Variants in LINGO2 observed in about 807,000 individuals in gnomAD.
The protein encoded by LINGO2 is leucine rich repeat and Ig domain containing 2, also known as leucine-rich repeat and immunoglobulin-like domain-containing nogo receptor-interacting protein 2.
LINGO2 carries 14 observed loss-of-function variants against 30.6 expected under a neutral mutation model. The observed-to-expected ratio is 0.46, with a 90% confidence interval of 0.30 to 0.72. The LOEUF (loss-of-function observed/expected upper bound fraction) is 0.72, where lower values mean the gene tolerates loss of function less well. Among genes scored for constraint, LINGO2 ranks in the 30% least tolerant of loss-of-function variants. The pLI, the probability that LINGO2 is intolerant of heterozygous loss-of-function variation, is 0.07. For missense variants in LINGO2, 729 were observed against 751.7 expected, an observed-to-expected ratio of 0.97 and a Z score of 0.35; for synonymous variants, 317 against 288.5, an observed-to-expected ratio of 1.10 and a Z score of -1.00.
the LINGO2 span, among the ~76,000 whole-genome samples, chr9:28,735,683 A>G: frequency 6.6e-6 from 1 of 152,112 alleles, no homozygotes; most frequent in Non-Finnish European, 1.5e-5. Flanking sequence ...ATTTTTACAC[A>G]TTGTTGGAAA....
intron 1 of LINGO2, among the ~76,000 whole-genome samples, chr9:28,509,824 AT>A (rs1162355974): frequency 6.6e-6 from 1 of 152,232 alleles, no homozygotes; most frequent in East Asian, 1.9e-4. Context: ...AGTCTGTGGT[AT>A]TTTGTTGTGG....
chr9:29,022,876 A>T, the LINGO2 span, among the ~76,000 whole-genome samples: 1 of 151,848 alleles, frequency 6.6e-6, no homozygotes, highest in African/African-American at 2.4e-5. Context: ...GGTTCTCCAT[A>T]TCTAGCATGT....
the LINGO2 span, among the ~76,000 whole-genome samples, chr9:29,187,733 G>A: frequency 6.7e-6 from 1 of 150,048 alleles, no homozygotes; most frequent in African/African-American, 2.4e-5. Context: ...TAAATTCAAT[G>A]GTCTAGGTAT....
intron 5 of LINGO2, among the ~76,000 whole-genome samples, chr9:28,006,255 T>G (rs1369754123): frequency 6.6e-6 from 1 of 151,908 alleles, no homozygotes; most frequent in Non-Finnish European, 1.5e-5. Context: ...AATCACAAAG[T>G]CAATTTTAAA....
chr9:28,657,270 A>G (rs772625298), intron 1 of LINGO2, among the ~76,000 whole-genome samples: 43 of 152,190 alleles, frequency 2.8e-4, no homozygotes, highest in Admixed American at 5.9e-4. Context: ...TTTTACTGCC[A>G]TCACCACCAC....
At chr9:28,404,094 T>G (rs1822390256) in intron 2 of LINGO2, among the ~76,000 whole-genome samples, 1 of 152,172 alleles carries the variant, frequency 6.6e-6, no homozygotes, top group Admixed American at 6.6e-5. Context: ...CACTCATGTA[T>G]GAATAACTTT....
At position 28,410,131 on chromosome 9, in the gene LINGO2, A is replaced by G. The variant is rs117560269; in HGVS notation, c.-278-37263T>C. 2.0e-3 allele frequency among the ~76,000 whole-genome samples: 303 copies of G among 151,338 alleles called. 4 individuals are homozygous for G. The highest frequency in any genetic ancestry group is 0.011 in the East Asian group (58 of 5,130). On this transcript the variant is annotated intron_variant, in intron 2 of 5. Transcript: ENST00000379992. ...GAAGGAAGGAGGAAAGGAGGAAGGG[A>G]AAGAGAAAGGAAGAAAGGAAAAAGT...
At chr9:28,586,431 C>T (rs916618131) in intron 1 of LINGO2, among the ~76,000 whole-genome samples, 24 of 151,966 alleles carry the variant, frequency 1.6e-4, no homozygotes, top group African/African-American at 5.6e-4. Context: ...ATGATGAGAA[C>T]TTGGCCTTTA....
At chr9:27,972,680 G>A (rs1443987733) in intron 5 of LINGO2, among the ~76,000 whole-genome samples, 1 of 152,164 alleles carries the variant, frequency 6.6e-6, no homozygotes, top group Admixed American at 6.5e-5. Flanking sequence ...GAGTATTCCA[G>A]GCAGGCTGGT....
At chr9:28,123,316 T>C (rs1011902487) in intron 4 of LINGO2, among the ~76,000 whole-genome samples, 3 of 152,188 alleles carry the variant, frequency 2.0e-5, no homozygotes, top group African/African-American at 4.8e-5. Flanking sequence ...AAATAGAGCA[T>C]ATACTTAGAT....
chr9:28,821,808 T>C, the LINGO2 span, among the ~76,000 whole-genome samples: 1 of 152,226 alleles, frequency 6.6e-6, no homozygotes, highest in African/African-American at 2.4e-5. Context: ...ACATGAAGTA[T>C]AGAGGATACG....
chr9:28,954,475 T>G, the LINGO2 span, among the ~76,000 whole-genome samples: 8 of 149,276 alleles, frequency 5.4e-5, no homozygotes, highest in South Asian at 2.1e-4. Flanking sequence ...TGCCATTTTG[T>G]TTTTTTTTGC....
At chr9:28,360,382 A>G (rs1464724491) in intron 3 of LINGO2, among the ~76,000 whole-genome samples, 3 of 152,204 alleles carry the variant, frequency 2.0e-5, no homozygotes, top group African/African-American at 7.2e-5. Flanking sequence ...CCTGCAAAGT[A>G]TAATTTAACT....
At chr9:28,646,409 G>T (rs979811930) in intron 1 of LINGO2, among the ~76,000 whole-genome samples, 1 of 152,020 alleles carries the variant, frequency 6.6e-6, no homozygotes, top group Non-Finnish European at 1.5e-5. Flanking sequence ...AGTGAGTCTG[G>T]AACCTCAAAT....
intron 4 of LINGO2, among the ~76,000 whole-genome samples, chr9:28,226,430 A>G (rs540020557): frequency 5.3e-5 from 8 of 152,054 alleles, no homozygotes; most frequent in African/African-American, 1.9e-4. Context: ...CATACAATGC[A>G]CGTCTGCTAT....
intron 4 of LINGO2, among the ~76,000 whole-genome samples, chr9:28,272,360 T>C (rs1211996344): frequency 1.3e-5 from 2 of 151,844 alleles, no homozygotes; most frequent in Non-Finnish European, 2.9e-5. Context: ...CTCACATGTC[T>C]CTTTCTCTTG....
At chr9:29,105,912 C>A in the LINGO2 span, among the ~76,000 whole-genome samples, 1 of 152,102 alleles carries the variant, frequency 6.6e-6, no homozygotes, top group Non-Finnish European at 1.5e-5. Flanking sequence ...TGCCAATAGT[C>A]TGAAAGAACT....
chr9:29,039,936 G>A, the LINGO2 span, among the ~76,000 whole-genome samples: 1 of 151,988 alleles, frequency 6.6e-6, no homozygotes, highest in Admixed American at 6.6e-5. Context: ...CTGCTTTTGG[G>A]TCAAATTTTC....
chr9:28,303,264 C>T (rs997015984), intron 3 of LINGO2, among the ~76,000 whole-genome samples: 1 of 152,128 alleles, frequency 6.6e-6, no homozygotes, highest in African/African-American at 2.4e-5. Flanking sequence ...ACATGCTCCT[C>T]TTTCTACTAA....
Sources: allele counts gnomAD v4.1 joint callset (sites outside exome capture counted in the v4.1 genomes callset), GRCh38; gene constraint gnomAD v4.1.1; transcripts MANE v1.5; gene names NCBI Gene and HGNC (gene_info 2026-07-23, HGNC 2026-07-21).